Variants in HIVEP1 observed in about 807,000 individuals in gnomAD.
The protein encoded by HIVEP1 is HIVEP zinc finger 1.
In HIVEP1, 36 loss-of-function variants were observed where a neutral mutation model predicts 180.0. The ratio of observed to expected loss-of-function variants is 0.20; its 90% CI spans 0.15 to 0.26. The LOEUF is 0.26. HIVEP1 is among the 10% of genes least tolerant of loss of function. The pLI, the probability that HIVEP1 is intolerant of heterozygous loss-of-function variation, is 1.00. For missense variants in HIVEP1, 3,143 were observed against 3,268.7 expected (o/e 0.96, Z 0.94); for synonymous variants, 1,239 against 1,239.0 (o/e 1.00, Z 0.00).
rs1461629667 is a variant in HIVEP1 at position 12,121,443 on chromosome 6, A to G, written c.1648A>G (p.Arg550Gly). The G allele has an allele frequency of 1.9e-6, 3 of 1,614,202 alleles. No individual in the cohort carries two copies. Among genetic ancestry groups the G allele is most frequent in the Non-Finnish European group, 8.5e-7 (1 of 1,180,016 alleles). Residue 550 changes from arginine (R) to glycine (G), a missense_variant, in exon 4 of 9, where the codon AGA becomes GGA. Physicochemically the swap from Arg to Gly is moderately radical, Grantham distance 125. Coordinates refer to ENST00000379388, the MANE Select transcript of HIVEP1 (RefSeq NM_002114.4). The surrounding 1 kb of genome is among the most constrained non-coding windows in gnomAD (Gnocchi z 5.3). ...NVIGDFLLQD[R>G]SAESQAVTEL... is the part of the protein sequence containing the mutation. ...GATAGGTGACTTTTTGCTACAGGAC[A>G]GATCTGCAGAATCACAAGCTGTGAC...
intron 7 of HIVEP1, among the ~76,000 whole-genome samples, chr6:12,139,929 A>G (rs1324879682): frequency 6.6e-6 from 1 of 152,232 alleles, no homozygotes; most frequent in African/African-American, 2.4e-5. Flanking sequence ...AGCAAAAGAC[A>G]GCAGAAACTT....
intron 2 of HIVEP1, among the ~76,000 whole-genome samples, chr6:12,041,816 T>C (rs1037528374): frequency 6.0e-5 from 9 of 149,830 alleles, no homozygotes; most frequent in African/African-American, 9.9e-5. Context: ...CATGCCACCA[T>C]GCCTGGCTAA....
downstream of HIVEP1, among the ~76,000 whole-genome samples, chr6:12,168,528 C>G (rs1033027224): frequency 1.3e-5 from 2 of 151,236 alleles, no homozygotes; most frequent in Admixed American, 1.3e-4. Flanking sequence ...CTGTTCACAA[C>G]TTACTATGGT....
chr6:12,089,296 C>A, intron 3 of HIVEP1, 59 bp downstream of exon 3: 1 of 913,758 alleles, frequency 1.1e-6, no homozygotes, highest in Non-Finnish European at 1.8e-6. Context: ...TATACATATA[C>A]CTCATAAATG....
the HIVEP1 span, among the ~76,000 whole-genome samples, chr6:12,196,329 C>T: frequency 6.6e-6 from 1 of 152,212 alleles, no homozygotes; most frequent in Admixed American, 6.5e-5. Flanking sequence ...TCTATTTAGA[C>T]ATTTAATCCA....
At chr6:12,211,316 C>T in the HIVEP1 span, among the ~76,000 whole-genome samples, 1 of 99,608 alleles carries the variant, frequency 1.0e-5, no homozygotes, top group Non-Finnish European at 1.9e-5. Context: ...AGGAGAATGG[C>T]GTGAACCCGG....
intron 2 of HIVEP1, among the ~76,000 whole-genome samples, chr6:12,067,493 G>C (rs918648270): frequency 6.8e-6 from 1 of 147,078 alleles, no homozygotes; most frequent in Non-Finnish European, 1.5e-5. Flanking sequence ...AAGTTTTTGA[G>C]CTTGGATTTT....
chr6:12,083,618 A>G (rs1056592650), intron 2 of HIVEP1, among the ~76,000 whole-genome samples: 1 of 152,156 alleles, frequency 6.6e-6, no homozygotes, highest in African/African-American at 2.4e-5. Flanking sequence ...CCAGAGCTGC[A>G]GGGGAACAGA....
chr6:12,167,994 TATATA>T (rs1760776541), downstream of HIVEP1, among the ~76,000 whole-genome samples: 1 of 114,640 alleles, frequency 8.7e-6, no homozygotes, highest in African/African-American at 3.2e-5. Flanking sequence ...TGTATATATG[TATATA>T]TTATATATAC....
intron 2 of HIVEP1, among the ~76,000 whole-genome samples, chr6:12,028,246 CTG>C (rs1370039396): frequency 1.3e-5 from 2 of 152,216 alleles, no homozygotes; most frequent in Non-Finnish European, 2.9e-5. Flanking sequence ...ATAAGCCCGT[CTG>C]GACTTCTGTG....
intron 7 of HIVEP1, among the ~76,000 whole-genome samples, chr6:12,149,954 G>A (rs546078701): frequency 2.0e-4 from 30 of 152,172 alleles, no homozygotes; most frequent in Non-Finnish European, 5.9e-5. Context: ...TGGAATTCAT[G>A]TTCTAATTCT....
chr6:12,100,982 C>G (rs995671123), intron 3 of HIVEP1, among the ~76,000 whole-genome samples: 3 of 152,192 alleles, frequency 2.0e-5, no homozygotes, highest in Admixed American at 1.3e-4. Flanking sequence ...GTTTGGTTTT[C>G]TCATCAGTGT....
intron 7 of HIVEP1, among the ~76,000 whole-genome samples, chr6:12,141,874 A>T (rs1264523074): frequency 1.3e-5 from 2 of 152,028 alleles, no homozygotes; most frequent in African/African-American, 2.4e-5. Flanking sequence ...GAGCACCCAG[A>T]TTCATAAAGC....
the HIVEP1 span, among the ~76,000 whole-genome samples, chr6:12,195,538 C>G: frequency 6.6e-6 from 1 of 152,192 alleles, no homozygotes; most frequent in Non-Finnish European, 1.5e-5. Flanking sequence ...TCTAGTTTAA[C>G]CCACACAATA....
At chr6:12,165,949 C>T (rs1029230051), downstream of HIVEP1, among the ~76,000 whole-genome samples, 2 of 152,182 alleles carry the variant, frequency 1.3e-5, no homozygotes, top group South Asian at 2.1e-4. Flanking sequence ...AGTCCCAGCA[C>T]GCACTGGTGG....
At chr6:12,041,378 C>T (rs555526056) in intron 2 of HIVEP1, among the ~76,000 whole-genome samples, 174 of 144,818 alleles carry the variant, frequency 1.2e-3, no homozygotes, top group African/African-American at 4.2e-3. Context: ...GCCGAGATCC[C>T]GCCATTGCAC....
the HIVEP1 span, among the ~76,000 whole-genome samples, chr6:12,184,252 T>C: frequency 2.0e-5 from 3 of 152,220 alleles, no homozygotes; most frequent in Non-Finnish European, 4.4e-5. Flanking sequence ...GTATTGAGAA[T>C]ACAGATGATA....
At chr6:12,099,183 G>GGTTTTTTTTTTTTTTTTT (rs373744044) in intron 3 of HIVEP1, among the ~76,000 whole-genome samples, 8 of 138,454 alleles carry the variant, frequency 5.8e-5, no homozygotes, top group African/African-American at 1.9e-4. Context: ...ATGTCACTGA[G>GGTTTTTTTTTTTTTTTTT]TTTTTTTTTT....
At chr6:12,186,885 A>ATT in the HIVEP1 span, among the ~76,000 whole-genome samples, 86 of 147,934 alleles carry the variant, frequency 5.8e-4, no homozygotes, top group African/African-American at 1.8e-3. Flanking sequence ...GAGCATGAGC[A>ATT]TTTTTTTTTT....
Sources: gnomAD v4.1 joint callset for allele counts (sites outside exome capture counted in the v4.1 genomes callset) on GRCh38, gnomAD v4.1.1 for gene constraint, Gnocchi (gnomAD v3.1) non-coding constraint, MANE v1.5 for transcripts, NCBI Gene and HGNC (gene_info 2026-07-23, HGNC 2026-07-21) for gene names.